FBXL13: variants seen among roughly 807,000 people sequenced by gnomAD.
FBXL13 encodes the protein F-box and leucine-rich repeat protein 13.
In FBXL13, 67 loss-of-function variants were observed where a neutral mutation model predicts 83.6. That is an observed-to-expected ratio of 0.80 (90% CI 0.66 to 0.98). FBXL13 has a LOEUF of 0.98. Ranked by LOEUF, FBXL13 falls within the 50% of genes least tolerant of loss-of-function variation. The pLI, the probability that FBXL13 is intolerant of heterozygous loss-of-function variation, is 0.00. For missense variants in FBXL13, 822 were observed against 866.5 expected (o/e 0.95, Z 0.64); for synonymous variants, 272 against 299.5 (o/e 0.91, Z 0.95).
chr7:103,041,076 T>C lies in FBXL13; in HGVS notation c.1-11658A>G. On this transcript the variant is annotated intron_variant, in intron 2 of 19. Transcript: ENST00000313221. The stretch of plus-strand genomic sequence containing the variant: ...AAAGACCAACAAATTGATAGACCGA[T>C]AGCAAGACTAATAAAGAAGAAAAGA... 1.3e-5 allele frequency among the ~76,000 whole-genome samples: 2 copies of C among 151,954 alleles called. 1 individual carries two copies. Among genetic ancestry groups the C allele is most frequent in the Non-Finnish European group, 2.9e-5 (2 of 68,014 alleles).
At chr7:103,055,156 T>C (rs951753136) in intron 2 of FBXL13, 7 of 1,289,120 alleles carry the variant, frequency 5.4e-6, no homozygotes, top group Admixed American at 2.3e-5. Context: ...TTTGGTTTCA[T>C]TGATGGAGTA....
chr7:103,025,347 C>T (rs549908845), intron 5 of FBXL13, 117 bp from the exon 7 acceptor site: 11 of 581,772 alleles, frequency 1.9e-5, no homozygotes, highest in East Asian at 1.2e-4. Flanking sequence ...TATTTATGAT[C>T]GTCATCATTA....
chr7:102,818,155 C>T (rs1798258394), intron 19 of FBXL13, among the ~76,000 whole-genome samples: 1 of 152,204 alleles, frequency 6.6e-6, no homozygotes, highest in African/African-American at 2.4e-5. Flanking sequence ...AAGGACTGCT[C>T]ATAATCCACA....
At chr7:102,980,899 A>G (rs1192152821) in intron 6 of FBXL13, among the ~76,000 whole-genome samples, 2 of 140,760 alleles carry the variant, frequency 1.4e-5, no homozygotes, top group Non-Finnish European at 3.0e-5. Flanking sequence ...GAAAAAATAA[A>G]TAAGAGTTCA....
intron 8 of FBXL13, chr7:102,934,059 C>G (rs759036679): frequency 1.2e-5 from 19 of 1,614,046 alleles, no homozygotes; most frequent in Non-Finnish European, 1.4e-5. Flanking sequence ...AAACGCTACG[C>G]ACCAGGCCTC....
chr7:102,938,364 T>C (rs145444809), intron 8 of FBXL13, among the ~76,000 whole-genome samples: 2 of 152,346 alleles, frequency 1.3e-5, no homozygotes, highest in African/African-American at 2.4e-5. Flanking sequence ...GTATATGCAA[T>C]AAACAGGGCC....
chr7:102,856,431 A>G (rs760130653), intron 16 of FBXL13, among the ~76,000 whole-genome samples: 7 of 152,216 alleles, frequency 4.6e-5, no homozygotes, highest in Non-Finnish European at 1.0e-4. Context: ...AATTTGTCCT[A>G]TGAAACTATC....
intron 11 of FBXL13, among the ~76,000 whole-genome samples, chr7:102,902,936 AT>A (rs201107252): frequency 1.4e-4 from 21 of 148,894 alleles, no homozygotes; most frequent in African/African-American, 3.9e-4. Flanking sequence ...AAATTTTAGG[AT>A]TTTTTTTTTC....
intron 2 of FBXL13, among the ~76,000 whole-genome samples, chr7:103,042,169 T>C (rs1795783868): frequency 6.6e-6 from 1 of 152,194 alleles, no homozygotes; most frequent in South Asian, 2.1e-4. Context: ...AGCATTCCTA[T>C]ACACCAATAA....
chr7:103,041,064 T>C (rs754516191), intron 2 of FBXL13, among the ~76,000 whole-genome samples: 31 of 151,606 alleles, frequency 2.0e-4, no homozygotes, highest in Non-Finnish European at 4.0e-4. Flanking sequence ...GACCAACAAA[T>C]TGATAGACCG....
intron 6 of FBXL13, among the ~76,000 whole-genome samples, chr7:102,986,082 A>C (rs1828920940): frequency 6.6e-6 from 1 of 151,386 alleles, no homozygotes; most frequent in Admixed American, 6.6e-5. Context: ...CTATTGAAAC[A>C]TTCATTTTTG....
intron 17 of FBXL13, among the ~76,000 whole-genome samples, chr7:102,842,959 C>G (rs546319834): frequency 1.3e-5 from 2 of 152,360 alleles, no homozygotes; most frequent in African/African-American, 4.8e-5. Flanking sequence ...TATGAAGTAG[C>G]TTATGATTGT....
chr7:102,922,301 C>A (rs1311350115), intron 10 of FBXL13, among the ~76,000 whole-genome samples: 1 of 151,798 alleles, frequency 6.6e-6, no homozygotes, highest in African/African-American at 2.4e-5. Context: ...TCAAGTTATA[C>A]AAACTTTTCC....
chr7:102,877,401 C>CA, intron 16 of FBXL13, 66 bp downstream of exon 17: 1 of 1,305,854 alleles, frequency 7.7e-7, no homozygotes, highest in South Asian at 1.7e-5. Flanking sequence ...CCATTATTTA[C>CA]AAAATAGCAA....
chr7:103,012,081 A>G (rs1282031339), intron 6 of FBXL13, among the ~76,000 whole-genome samples: 1 of 152,160 alleles, frequency 6.6e-6, no homozygotes, highest in African/African-American at 2.4e-5. Flanking sequence ...AATGAAAGAA[A>G]AAAGGCAGCT....
At chr7:102,913,062 C>T in intron 11 of FBXL13, 24 bp downstream of exon 12, 1 of 1,613,930 alleles carries the variant, frequency 6.2e-7, no homozygotes, top group South Asian at 1.1e-5. Context: ...CACACCGCAG[C>T]AAAGAGAAGA....
intron 2 of FBXL13, among the ~76,000 whole-genome samples, chr7:103,053,538 G>A (rs564629978): frequency 1.5e-3 from 234 of 152,266 alleles, no homozygotes; most frequent in African/African-American, 5.4e-3. Flanking sequence ...GGTCTTTGTC[G>A]TAATATTGAC....
chr7:102,839,063 A>G (rs141424183), intron 17 of FBXL13, among the ~76,000 whole-genome samples: 1,633 of 152,332 alleles, frequency 0.011, 36 homozygotes, highest in African/African-American at 0.038. Flanking sequence ...TATTTGTTCA[A>G]TTCTGAGATA....
chr7:102,896,356 A>G (rs1286451151), intron 11 of FBXL13, among the ~76,000 whole-genome samples: 1 of 152,194 alleles, frequency 6.6e-6, no homozygotes, highest in African/African-American at 2.4e-5. Flanking sequence ...ATAACCAGGC[A>G]AGAGATCATG....
Sources: gnomAD v4.1 joint callset for allele counts (sites outside exome capture counted in the v4.1 genomes callset) on GRCh38, gnomAD v4.1.1 for gene constraint, MANE v1.5 for transcripts, NCBI Gene and HGNC (gene_info 2026-07-23, HGNC 2026-07-21) for gene names.